The following GNAQ variants were observed in gnomAD, a reference collection of about 807,000 sequenced individuals.
GNAQ encodes G protein subunit alpha q.
In GNAQ, 8 loss-of-function variants were observed where a neutral mutation model predicts 43.9. The ratio of observed to expected loss-of-function variants is 0.18; its 90% CI spans 0.11 to 0.33. The LOEUF is 0.33. Ranked by LOEUF, GNAQ falls within the 10% of genes least tolerant of loss-of-function variation. The pLI, the probability that GNAQ is intolerant of heterozygous loss-of-function variation, is 1.00. For missense variants in GNAQ, 158 were observed against 450.8 expected (o/e 0.35, Z 5.88); for synonymous variants, 155 against 170.7 (o/e 0.91, Z 0.71).
At chr9:77,827,072 C>T (rs1258445462) in intron 2 of GNAQ, among the ~76,000 whole-genome samples, 1 of 151,994 alleles carries the variant, frequency 6.6e-6, no homozygotes, top group African/African-American at 2.4e-5. Flanking sequence ...TATTTTATAG[C>T]CATAACTGTT....
chr9:77,821,164 C>T (rs191489496), intron 2 of GNAQ, among the ~76,000 whole-genome samples: 68 of 152,194 alleles, frequency 4.5e-4, no homozygotes, highest in Admixed American at 1.3e-3. Context: ...TAAGTTTGTT[C>T]TTCTATCATT....
At chr9:77,777,629 A>T (rs1826323870) in intron 5 of GNAQ, among the ~76,000 whole-genome samples, 1 of 152,038 alleles carries the variant, frequency 6.6e-6, no homozygotes, top group Non-Finnish European at 1.5e-5. Flanking sequence ...GGACTCTGAC[A>T]ACTCAACAAT....
At chr9:77,863,764 A>G (rs939078202) in intron 2 of GNAQ, among the ~76,000 whole-genome samples, 2 of 152,180 alleles carry the variant, frequency 1.3e-5, no homozygotes, top group African/African-American at 4.8e-5. Flanking sequence ...AAGGAGGAGC[A>G]AGTCATGTCT....
chr9:77,918,277 C>G (rs1441553836), intron 2 of GNAQ, among the ~76,000 whole-genome samples: 1 of 152,144 alleles, frequency 6.6e-6, no homozygotes, highest in Non-Finnish European at 1.5e-5. Context: ...TTTATTTATG[C>G]TACTATAGAT....
At chr9:77,866,719 A>C (rs1369711345) in intron 2 of GNAQ, among the ~76,000 whole-genome samples, 2 of 152,232 alleles carry the variant, frequency 1.3e-5, no homozygotes, top group Non-Finnish European at 2.9e-5. Flanking sequence ...AAATTAAACA[A>C]CACTATCTTG....
At chr9:77,815,495 CTTTTAAAG>C in intron 3 of GNAQ, 113 bp downstream of exon 3, 1 of 601,410 alleles carries the variant, frequency 1.7e-6, no homozygotes. Flanking sequence ...TATTCCCTAA[CTTTTAAAG>C]TTTTAATCAT....
chr9:77,867,211 A>G (rs971095005), intron 2 of GNAQ, among the ~76,000 whole-genome samples: 1 of 152,184 alleles, frequency 6.6e-6, no homozygotes, highest in Non-Finnish European at 1.5e-5. Context: ...ACTCTCAAAG[A>G]GTGCTCACTG....
chr9:77,765,168 A>T (rs1826115193), intron 5 of GNAQ, among the ~76,000 whole-genome samples: 1 of 152,196 alleles, frequency 6.6e-6, no homozygotes, highest in Non-Finnish European at 1.5e-5. Flanking sequence ...ATTTAAAAAA[A>T]AAATCAGAAC....
At chr9:77,933,107 G>A (rs1829175270) in intron 1 of GNAQ, among the ~76,000 whole-genome samples, 1 of 152,142 alleles carries the variant, frequency 6.6e-6, no homozygotes, top group African/African-American at 2.4e-5. Context: ...CACCTAGAAA[G>A]TTCACTGCAT....
In GNAQ at chr9:77,803,776, C is replaced by T. The variant is rs528687716; in HGVS notation, c.477-6128G>A. On this transcript the variant is annotated intron_variant, in intron 3 of 6. Transcript: ENST00000286548. ...TACAGTCACTTTCTGGGAACCTGTT[C>T]GAACAATCTCTAGCCCTTGGTGATA... is the stretch of plus-strand genomic sequence containing the variant. 8.5e-5 allele frequency among the ~76,000 whole-genome samples: 13 copies of T among 152,248 alleles called. No homozygotes were observed. In the South Asian group the frequency reaches 1.7e-3, roughly 19 times the overall value.
intron 2 of GNAQ, among the ~76,000 whole-genome samples, chr9:77,919,178 C>T (rs1244506375): frequency 6.6e-6 from 1 of 152,124 alleles, no homozygotes; most frequent in Non-Finnish European, 1.5e-5. Context: ...CCTTAGCCTC[C>T]GTAAGTGCTA....
intron 2 of GNAQ, among the ~76,000 whole-genome samples, chr9:77,890,290 A>G (rs1346602683): frequency 6.6e-6 from 1 of 152,218 alleles, no homozygotes; most frequent in South Asian, 2.1e-4. Flanking sequence ...GAAAGACTTC[A>G]TAATAATTTA....
chr9:77,928,741 C>A lies in GNAQ; in HGVS notation c.137-6396G>T, dbSNP rs1829103797. On this transcript the variant is annotated intron_variant, in intron 1 of 6. Transcript: ENST00000286548. ...CACTTTAAAATGGTAAATTTTAGGT[C>A]CGGCATGGTGGCTCACACCTGTAAT... Among the ~76,000 whole-genome samples the A allele has an allele frequency of 2.6e-5, 4 of 152,254 alleles. No individual in the cohort carries two copies. In the South Asian group the frequency reaches 6.2e-4, roughly 24 times the overall value.
chr9:77,803,506 G>T (rs958261779), intron 3 of GNAQ, among the ~76,000 whole-genome samples: 41 of 152,138 alleles, frequency 2.7e-4, no homozygotes, highest in African/African-American at 9.2e-4. Context: ...AAAAGTGAGG[G>T]AACACAGACA....
At position 77,999,092 on chromosome 9, in the gene GNAQ, C is replaced by CAAAAAA. The variant is rs56358201; in HGVS notation, c.136+32002_136+32007dup. On this transcript the variant is annotated intron_variant, in intron 1 of 6. Coordinates refer to ENST00000286548, the MANE Select transcript of GNAQ (RefSeq NM_002072.5). Reference sequence around the variant, plus strand: ...GGGCAACAAGAGTGAAACTCTGTCTCAAAAAAAAAAAAAAAAAAAAAAAAA... The same window carrying CAAAAAA: ...GGGCAACAAGAGTGAAACTCTGTCTCAAAAAAAAAAAAAAAAAAAAAAAAAAAAAAA... Among the ~76,000 whole-genome samples, 9 of 52,574 alleles carry CAAAAAA rather than the reference C, an allele frequency of 1.7e-4. 1 individual carries two copies. Among genetic ancestry groups the CAAAAAA allele is most frequent in the African/African-American group, 8.3e-4 (8 of 9,674 alleles). 34.5% of individuals were successfully genotyped at this position (52,574 alleles called of 152,430 possible).
At chr9:77,989,434 A>C (rs1823481905) in intron 1 of GNAQ, among the ~76,000 whole-genome samples, 1 of 152,226 alleles carries the variant, frequency 6.6e-6, no homozygotes, top group African/African-American at 2.4e-5. Flanking sequence ...GAGCCTGTGA[A>C]GCAGTTCTGA....
intron 2 of GNAQ, among the ~76,000 whole-genome samples, chr9:77,914,677 A>C (rs1015825459): frequency 1.3e-4 from 20 of 152,088 alleles, no homozygotes; most frequent in Admixed American, 1.0e-3. Flanking sequence ...CAAAAAAAAA[A>C]GATGAGAAAA....
At chr9:77,755,778 T>C (rs1825893332) in intron 5 of GNAQ, among the ~76,000 whole-genome samples, 1 of 152,164 alleles carries the variant, frequency 6.6e-6, no homozygotes, top group South Asian at 2.1e-4. Context: ...ATTATTGTCT[T>C]TATTTGAAGA....
intron 2 of GNAQ, among the ~76,000 whole-genome samples, chr9:77,853,793 A>C (rs1464347639): frequency 6.6e-6 from 1 of 150,942 alleles, no homozygotes; most frequent in African/African-American, 2.4e-5. Flanking sequence ...AAAAAAAAAA[A>C]AAAAAAACCC....
Sources: gnomAD v4.1 joint callset for allele counts (sites outside exome capture counted in the v4.1 genomes callset) on GRCh38, gnomAD v4.1.1 for gene constraint, MANE v1.5 for transcripts, NCBI Gene and HGNC (gene_info 2026-07-23, HGNC 2026-07-21) for gene names.